The following ARF4 variants were observed in gnomAD, a reference collection of about 807,000 sequenced individuals.
ARF4 encodes the protein ARF GTPase 4.
ARF4 carries 5 observed loss-of-function variants against 24.3 expected under a neutral mutation model. The ratio of observed to expected loss-of-function variants is 0.21; its 90% CI spans 0.11 to 0.43. ARF4 has a LOEUF of 0.43. Ranked by LOEUF, ARF4 falls within the 20% of genes least tolerant of loss-of-function variation. ARF4 has a pLI of 1.00. For synonymous variants in ARF4, 62 were observed against 73.5 expected (o/e 0.84, Z 0.80); for missense variants, 107 against 213.0 (o/e 0.50, Z 3.10).
At chr3:57,590,710 G>C (rs1442216450) in intron 1 of ARF4, among the ~76,000 whole-genome samples, 1 of 151,848 alleles carries the variant, frequency 6.6e-6, no homozygotes, top group East Asian at 1.9e-4. Flanking sequence ...ACAGGGTCTC[G>C]ATCTGTCACC....
At chr3:57,589,442 G>A (rs550466757) in intron 1 of ARF4, among the ~76,000 whole-genome samples, 55 of 152,082 alleles carry the variant, frequency 3.6e-4, no homozygotes, top group Non-Finnish European at 6.2e-4. Flanking sequence ...AAACAAGGCC[G>A]GGCCCCGTGG....
chr3:57,582,839 A>G lies in ARF4; in HGVS notation c.258+1059T>C, dbSNP rs533745540. ...GTGGGACCAGGTTAAACAAAGGTAG[A>G]GTGAGAACAAACTCTCCCATCTTGG... On this transcript the variant is annotated intron_variant, in intron 3 of 5. Transcript: ENST00000303436. Among the ~76,000 whole-genome samples, 7 of 152,356 alleles carry G rather than the reference A, an allele frequency of 4.6e-5. No individual in the cohort carries two copies. The South Asian group carries it at 1.4e-3, about 32-fold the overall frequency.
intron 1 of ARF4, among the ~76,000 whole-genome samples, chr3:57,592,886 A>T (rs922785610): frequency 6.6e-6 from 1 of 152,190 alleles, no homozygotes; most frequent in Non-Finnish European, 1.5e-5. Flanking sequence ...CTACAATTTT[A>T]GAGGAACAAA....
intron 5 of ARF4, among the ~76,000 whole-genome samples, chr3:57,572,662 T>TG (rs1456459798): frequency 4.0e-5 from 6 of 149,530 alleles, no homozygotes; most frequent in African/African-American, 1.5e-4. Context: ...GGCGACAGAG[T>TG]GAGACTCCGT....
Position 57,571,523 on chromosome 3 carries a change from T to C in ARF4, c.*689A>G, listed in dbSNP as rs192919441. ...TCATATACTGAGCAAAAAATCAGGC[T>C]GATAACAAAAGCAACATGCAACATA... On this transcript the variant is annotated 3_prime_UTR_variant, in exon 6 of 6. Coordinates refer to ENST00000303436, the MANE Select transcript of ARF4 (RefSeq NM_001660.4). 800 of 152,708 alleles carry C rather than the reference T, an allele frequency of 5.2e-3. 3 individuals are homozygous for C. Among genetic ancestry groups the C allele is most frequent in the Middle Eastern group, 0.01 (3 of 294 alleles). 9.5% of individuals were successfully genotyped at this position (152,708 alleles called of 1,614,324 possible).
rs1174556160 is a variant in ARF4 at position 57,583,905 on chromosome 3, T to C, written c.251A>G (p.Asn84Ser). 6.3e-7 allele frequency: 1 copy of C among 1,588,342 alleles called. No homozygotes were observed. Residue 84 changes from asparagine (N) to serine (S), a missense_variant, in exon 3 of 6, where the codon AAT (asparagine) becomes AGT (serine). Transcript: ENST00000303436. ...IRPLWKHYFQNTQGLIFVVDS... is the reference protein window; with the variant it reads ...IRPLWKHYFQSTQGLIFVVDS... ...ACATACAGTATCCCTTACCTGGGTATTCTGGAAGTAATGCTTCCAGAGAGG... is the reference window on the plus strand; with the variant it reads ...ACATACAGTATCCCTTACCTGGGTACTCTGGAAGTAATGCTTCCAGAGAGG...
chr3:57,579,474 G>C (rs1254533601), intron 3 of ARF4, among the ~76,000 whole-genome samples: 1 of 151,882 alleles, frequency 6.6e-6, no homozygotes, highest in Admixed American at 6.6e-5. Context: ...TTTTAGTAGA[G>C]ATGAGATTTT....
chr3:57,583,278 A>T (rs1396208402), intron 3 of ARF4, among the ~76,000 whole-genome samples: 2 of 152,176 alleles, frequency 1.3e-5, no homozygotes, highest in Non-Finnish European at 1.5e-5. Context: ...ACACTACTGT[A>T]CCTGGATTAT....
Position 57,575,599 on chromosome 3 carries a change from G to A in ARF4, c.405C>T (p.Ala135=), listed in dbSNP as rs1198231107. 1 of 1,613,354 alleles carries A rather than the reference G, an allele frequency of 6.2e-7. No homozygotes were observed. The highest frequency in any genetic ancestry group is 1.3e-5 in the African/African-American group (1 of 74,870). ...CTAGTTTATCTGTCATTTCACTGAT[G>A]GCCATAGCATTTGGCAAATCCTGTT... The part of the protein sequence containing the change: ...ANKQDLPNAM[A]ISEMTDKLGL... The change falls in exon 5 of 6, where the codon GCC becomes GCT. Residue 135 remains alanine (A), a synonymous_variant. Transcript: ENST00000303436.
In ARF4 at chr3:57,597,340, C is replaced by T; in HGVS notation, c.-200G>A. ...ATAAGCCGGTAGAGGACCTGCTAGG[C>T]GACTGGCGCGGCAGCTCCGGCTCTA... is the stretch of plus-strand genomic sequence containing the variant. On this transcript the variant is annotated 5_prime_UTR_variant, in exon 1 of 6. Transcript: ENST00000303436. The T allele has an allele frequency of 2.0e-6, 1 of 504,566 alleles. No homozygotes were observed. Among genetic ancestry groups the T allele is most frequent in the South Asian group, 2.3e-5 (1 of 43,430 alleles). 31.3% of individuals were successfully genotyped at this position (504,566 alleles called of 1,614,324 possible).
At chr3:57,590,439 T>C (rs919422020) in intron 1 of ARF4, among the ~76,000 whole-genome samples, 1 of 151,900 alleles carries the variant, frequency 6.6e-6, no homozygotes, top group African/African-American at 2.4e-5. Context: ...TGAGCCGAGA[T>C]TGCGCCACTG....
intron 5 of ARF4, among the ~76,000 whole-genome samples, chr3:57,574,679 T>C (rs1371475345): frequency 6.6e-6 from 1 of 152,120 alleles, no homozygotes; most frequent in Non-Finnish European, 1.5e-5. Flanking sequence ...AGTATTGGGA[T>C]TACGGGTGTG....
chr3:57,573,347 T>C (rs2069863315), intron 5 of ARF4, among the ~76,000 whole-genome samples: 1 of 152,150 alleles, frequency 6.6e-6, no homozygotes, highest in Non-Finnish European at 1.5e-5. Flanking sequence ...CTAGTAACTG[T>C]GTGAAAGTAT....
At chr3:57,579,253 CAAAAAAAA>C (rs764058520) in intron 3 of ARF4, among the ~76,000 whole-genome samples, 4 of 47,612 alleles carry the variant, frequency 8.4e-5, no homozygotes, top group South Asian at 2.8e-3. Flanking sequence ...AACTACATCT[CAAAAAAAA>C]AAAAAAAAAA....
chr3:57,591,831 G>T (rs2070120289), intron 1 of ARF4, among the ~76,000 whole-genome samples: 1 of 152,170 alleles, frequency 6.6e-6, no homozygotes, highest in Non-Finnish European at 1.5e-5. Flanking sequence ...CATAAATCAT[G>T]ATTCCATTAA....
At chr3:57,592,623 T>G (rs1325458822) in intron 1 of ARF4, among the ~76,000 whole-genome samples, 1 of 152,176 alleles carries the variant, frequency 6.6e-6, no homozygotes, top group African/African-American at 2.4e-5. Flanking sequence ...ATCAGTTAAT[T>G]AGCAGCAAAT....
chr3:57,592,456 C>T (rs755619901), intron 1 of ARF4, among the ~76,000 whole-genome samples: 4 of 152,114 alleles, frequency 2.6e-5, no homozygotes, highest in African/African-American at 9.7e-5. Context: ...CCACTGTACT[C>T]GAGCCTGGGT....
At chr3:57,595,781 C>G (rs1486719434) in intron 1 of ARF4, among the ~76,000 whole-genome samples, 1 of 152,028 alleles carries the variant, frequency 6.6e-6, no homozygotes, top group Non-Finnish European at 1.5e-5. Flanking sequence ...AAACCCCCGT[C>G]TCTACTAATA....
At chr3:57,573,938 T>C (rs1432012507) in intron 5 of ARF4, among the ~76,000 whole-genome samples, 2 of 151,496 alleles carry the variant, frequency 1.3e-5, no homozygotes, top group African/African-American at 4.8e-5. Context: ...AGGTTGTTTT[T>C]TTTTGTTTGT....
Sources: allele counts gnomAD v4.1 joint callset (sites outside exome capture counted in the v4.1 genomes callset), GRCh38; gene constraint gnomAD v4.1.1; transcripts MANE v1.5; gene names NCBI Gene and HGNC (gene_info 2026-07-23, HGNC 2026-07-21).